Variants in TMX3 observed in about 807,000 individuals in gnomAD.
TMX3 encodes protein disulfide-isomerase TMX3.
Under a neutral mutation model 64.4 loss-of-function variants are expected in TMX3, and 40 were observed. That is an observed-to-expected ratio of 0.62 (90% confidence interval 0.48 to 0.81). The LOEUF (loss-of-function observed/expected upper bound fraction) is 0.81, where lower values mean the gene tolerates loss of function less well. TMX3 is among the 30% of genes least tolerant of loss of function. TMX3 has a pLI of 0.00. For missense variants in TMX3, 497 were observed against 534.5 expected, an observed-to-expected ratio of 0.93 and a Z score of 0.69; for synonymous variants, 189 against 175.7, an observed-to-expected ratio of 1.08 and a Z score of -0.60.
chr18:68,678,637 G>A (rs1341691318), intron 15 of TMX3, among the ~76,000 whole-genome samples: 5 of 152,098 alleles, frequency 3.3e-5, no homozygotes, highest in Non-Finnish European at 5.9e-5. Context: ...TTGATAGAGT[G>A]AAAGGAAGAG....
At position 68,701,125 on chromosome 18, in the gene TMX3, A is replaced by C. The variant is rs915100019; in HGVS notation, c.311+620T>G. 4.4e-6 allele frequency: 3 copies of C among 675,504 alleles called. No individual in the cohort carries two copies. The African/African-American group carries it at 6.0e-5, about 13-fold the overall frequency. 41.8% of individuals were successfully genotyped at this position (675,504 alleles called of 1,614,324 possible). On this transcript the variant is annotated intron_variant, in intron 5 of 15. Transcript: ENST00000299608. ...ACAAAAAGTAAGAGGCTAAGCAAAC[A>C]TTTTTAAAAAGTGGGGGAAGGAAAA...
chr18:68,714,807 C>T (rs1371604981), intron 1 of TMX3, 129 bp downstream of exon 1: 42 of 1,293,544 alleles, frequency 3.2e-5, no homozygotes, highest in Non-Finnish European at 4.0e-5. Flanking sequence ...CGGCAGGACG[C>T]TGCCGGGAAT....
chr18:68,701,937 C>A, intron 4 of TMX3, 147 bp from the exon 5 acceptor site: 14 of 581,610 alleles, frequency 2.4e-5, no homozygotes, highest in African/African-American at 5.7e-5. Context: ...TAAAATCACA[C>A]AAAAGAAAAA....
At chr18:68,698,575 AAATAG>A (rs2032382618) in intron 6 of TMX3, among the ~76,000 whole-genome samples, 2 of 152,230 alleles carry the variant, frequency 1.3e-5, no homozygotes, top group Non-Finnish European at 2.9e-5. Context: ...AGAAAAAATA[AAATAG>A]AAAATGATAG....
At chr18:68,689,066 T>C (rs938447397) in intron 9 of TMX3, 3 of 152,186 alleles carry the variant, frequency 2.0e-5, no homozygotes, top group Non-Finnish European at 2.9e-5. Flanking sequence ...TGAAATTATA[T>C]ATGTAAGAAA....
Position 68,684,412 on chromosome 18 carries a change from T to C in TMX3, c.794+16A>G, listed in dbSNP as rs778434153. 5 of 1,608,724 alleles carry C rather than the reference T, an allele frequency of 3.1e-6. No homozygotes were observed. Among genetic ancestry groups the C allele is most frequent in the Non-Finnish European group, 2.6e-6 (3 of 1,175,900 alleles). ...AATGAACATTTGAAGCTTAAAACTA[T>C]ATCAAGGCATTATACCTGGTATGTT... On this transcript the variant is annotated intron_variant, in intron 11 of 15. Coordinates refer to ENST00000299608, the MANE Select transcript of TMX3 (RefSeq NM_019022.5).
rs776639450 is a variant in TMX3 at position 68,682,922 on chromosome 18, T to C, written c.905+3A>G. ...CAGCAAAATCATTCAGCACTTTACT[T>C]ACTCCATCAGCAAGGTATTTATGTA... On this transcript the variant is annotated splice_donor_region_variant and intron_variant, in intron 13 of 15. Coordinates refer to ENST00000299608, the MANE Select transcript of TMX3 (RefSeq NM_019022.5). 5.6e-6 allele frequency: 9 copies of C among 1,604,972 alleles called. No homozygotes were observed. The highest frequency in any genetic ancestry group is 5.6e-5 in the South Asian group (5 of 89,718).
At chr18:68,705,992 C>T (rs2030620886) in intron 4 of TMX3, among the ~76,000 whole-genome samples, 1 of 152,222 alleles carries the variant, frequency 6.6e-6, no homozygotes. Flanking sequence ...AGTCTTATCT[C>T]ACCCCGGACT....
At chr18:68,699,253 T>C (rs946399784) in intron 6 of TMX3, among the ~76,000 whole-genome samples, 15 of 152,158 alleles carry the variant, frequency 9.9e-5, no homozygotes, top group African/African-American at 3.6e-4. Flanking sequence ...TGAAATTTCA[T>C]CTACAATAGT....
chr18:68,697,140 G>C (rs1915169046), intron 8 of TMX3, 86 bp downstream of exon 8: 1 of 725,392 alleles, frequency 1.4e-6, no homozygotes, highest in Non-Finnish European at 2.3e-6. Flanking sequence ...ATTTAATCAA[G>C]TAATAAAATC....
intron 14 of TMX3, 105 bp downstream of exon 14, chr18:68,680,875 CG>C: frequency 8.6e-7 from 1 of 1,159,640 alleles, no homozygotes; most frequent in East Asian, 2.7e-5. Flanking sequence ...CCCTCTACTC[CG>C]GGTGATGGCC....
chr18:68,695,239 C>T (rs1305913872), intron 8 of TMX3, among the ~76,000 whole-genome samples: 1 of 152,194 alleles, frequency 6.6e-6, no homozygotes, highest in Non-Finnish European at 1.5e-5. Context: ...AAAATTCTCA[C>T]ACAAACTGTT....
chr18:68,701,427 G>T (rs1331236915), intron 5 of TMX3, among the ~76,000 whole-genome samples: 1 of 152,062 alleles, frequency 6.6e-6, no homozygotes, highest in Admixed American at 6.6e-5. Flanking sequence ...CTTTGATTCT[G>T]TTTTTATCTC....
In TMX3 at chr18:68,697,419, C is replaced by T. The variant is rs374757368; in HGVS notation, c.493-116G>A. 4 of 490,424 alleles carry T rather than the reference C, an allele frequency of 8.2e-6. 1 individual carries two copies. The South Asian group carries it at 2.1e-4, about 26-fold the overall frequency. 30.4% of individuals were successfully genotyped at this position (490,424 alleles called of 1,614,324 possible). A position where few individuals can be genotyped will look rare whatever the true frequency, so the allele number is the denominator to read the frequency against. On this transcript the variant is annotated intron_variant, in intron 7 of 15. Transcript: ENST00000299608. ...TAAGAGTCATCACCTTAATGTGCTACCTTACATCCTCTTAGGTGAAGAGAA... is the reference window on the plus strand; with the variant it reads ...TAAGAGTCATCACCTTAATGTGCTATCTTACATCCTCTTAGGTGAAGAGAA...
chr18:68,697,827 C>A, intron 7 of TMX3, 105 bp downstream of exon 7: 1 of 638,022 alleles, frequency 1.6e-6, no homozygotes, highest in Non-Finnish European at 2.6e-6. Flanking sequence ...GAAAATATTT[C>A]CAGTAAGTGC....
At chr18:68,714,882 G>C in intron 1 of TMX3, 54 bp downstream of exon 1, 1 of 1,546,216 alleles carries the variant, frequency 6.5e-7, no homozygotes, top group Non-Finnish European at 8.7e-7. Context: ...CGGCCCCACG[G>C]CGGGGCCAGG....
At chr18:68,702,175 C>CAAAAA (rs375234012) in intron 4 of TMX3, among the ~76,000 whole-genome samples, 638 of 44,058 alleles carry the variant, frequency 0.014, 102 homozygotes, top group African/African-American at 0.047. Context: ...TTACTCCTCT[C>CAAAAA]AAAAAAAAAA....
At chr18:68,712,709 G>A (rs574344114) in intron 2 of TMX3, among the ~76,000 whole-genome samples, 6 of 152,068 alleles carry the variant, frequency 3.9e-5, no homozygotes, top group African/African-American at 1.2e-4. Flanking sequence ...ACCCCACAAG[G>A]CACTAAGTTT....
At position 68,674,124 on chromosome 18, in the gene TMX3, A is replaced by G. The variant is rs1433908815; in HGVS notation, c.*2809T>C. ...AACAGTACTGCTAATTCACCTGCTC[A>G]TATAGACCCTTCCTTCAATCCCCCA... On this transcript the variant is annotated 3_prime_UTR_variant, in exon 16 of 16. Transcript: ENST00000299608. The G allele has an allele frequency of 6.6e-6, 1 of 152,180 alleles. No homozygotes were observed. The highest frequency in any genetic ancestry group is 1.5e-5 in the Non-Finnish European group (1 of 68,024). The allele number at this position is 152,180 out of a possible 1,614,324, so 9.4% of individuals were successfully genotyped here.
Sources: allele counts gnomAD v4.1 joint callset (sites outside exome capture counted in the v4.1 genomes callset), GRCh38; gene constraint gnomAD v4.1.1; transcripts MANE v1.5; gene names NCBI Gene and HGNC (gene_info 2026-07-23, HGNC 2026-07-21).